Variants in NME6 observed in about 807,000 individuals in gnomAD.
NME6 encodes NME/NM23 nucleoside diphosphate kinase 6, also known as nucleoside diphosphate kinase 6, mitochondrial.
In NME6, 16 loss-of-function variants were observed where a neutral mutation model predicts 22.2. That is an observed-to-expected ratio of 0.72 (90% CI 0.49 to 1.09). NME6 has a LOEUF of 1.09. Among genes scored for constraint, NME6 ranks in the 50% least tolerant of loss-of-function variants. The probability of loss-of-function intolerance (pLI) is 0.00; values close to 1 mark genes in which losing one functional copy is unlikely to be tolerated. For synonymous variants in NME6, 58 were observed against 85.2 expected (o/e 0.68, Z 1.76); for missense variants, 229 against 239.0 (o/e 0.96, Z 0.28).
chr3:48,294,740 C>T lies in NME6; in HGVS notation c.458G>A (p.Trp153Ter). ...AFFPDFSEQRWYEEEEPQLRC... is the reference protein window; with the variant it reads ...AFFPDFSEQR ...CAACTGGGGCTCTTCCTCCTCATAC[C>T]AGCGCTGTTCACTGAAGTCAGGGAA... is the stretch of plus-strand genomic sequence containing the variant. The change falls in exon 6 of 6, where the codon TGG becomes TAG. Residue 153 changes from tryptophan to a stop codon, truncating the protein, a stop_gained. Coordinates refer to ENST00000442597, the MANE Select transcript of NME6 (RefSeq NM_001308426.2). LOFTEE classifies it high-confidence loss of function. The T allele has an allele frequency of 6.2e-7, 1 of 1,614,170 alleles. No homozygotes were observed. The highest frequency in any genetic ancestry group is 1.1e-5 in the South Asian group (1 of 91,086).
At chr3:48,299,563 G>A (rs2035479059) in intron 1 of NME6, among the ~76,000 whole-genome samples, 1 of 146,674 alleles carries the variant, frequency 6.8e-6, no homozygotes, top group Non-Finnish European at 1.5e-5. Context: ...ACATATGTGT[G>A]TATGTGTGTG....
chr3:48,296,874 A>G, intron 2 of NME6, 45 bp from the exon 3 acceptor site: 2 of 1,445,346 alleles, frequency 1.4e-6, no homozygotes, highest in Non-Finnish European at 1.9e-6. Flanking sequence ...CAGGAGACTG[A>G]AACTGACCAA....
At chr3:48,296,681 C>G in intron 3 of NME6, 46 bp downstream of exon 3, 1 of 1,360,146 alleles carries the variant, frequency 7.4e-7, no homozygotes, top group Non-Finnish European at 1.0e-6. Context: ...CTCTTATGGC[C>G]TCTTGGGATT....
intron 1 of NME6, among the ~76,000 whole-genome samples, chr3:48,300,110 C>T (rs2035536620): frequency 6.6e-6 from 1 of 152,226 alleles, no homozygotes; most frequent in Admixed American, 6.5e-5. Context: ...TTCTGTCCTG[C>T]CAACCTCTAC....
chr3:48,301,075 T>G (rs962213560), intron 1 of NME6, among the ~76,000 whole-genome samples: 3 of 151,700 alleles, frequency 2.0e-5, no homozygotes, highest in Non-Finnish European at 2.9e-5. Context: ...AAGCTGTCGG[T>G]ACACTGCCAC....
Position 48,293,739 on chromosome 3 carries a change from T to C in NME6, c.*898A>G, listed in dbSNP as rs2034747274. 3 of 152,234 alleles carry C rather than the reference T, an allele frequency of 2.0e-5. No individual in the cohort carries two copies. The highest frequency in any genetic ancestry group is 2.9e-5 in the Non-Finnish European group (2 of 68,060). 9.4% of individuals were successfully genotyped at this position (152,234 alleles called of 1,614,324 possible). ...ACCACCCAAATTCATAATTAGCAACTTGAGGACCCAATCATGTCTTAACCA... is the reference window on the plus strand; with the variant it reads ...ACCACCCAAATTCATAATTAGCAACCTGAGGACCCAATCATGTCTTAACCA... On this transcript the variant is annotated 3_prime_UTR_variant, in exon 6 of 6. Coordinates refer to ENST00000442597, the MANE Select transcript of NME6 (RefSeq NM_001308426.2).
At chr3:48,298,568 C>T in intron 1 of NME6, 45 bp from the exon 2 acceptor site, 1 of 1,414,784 alleles carries the variant, frequency 7.1e-7, no homozygotes, top group Non-Finnish European at 9.6e-7. Context: ...GACGGCACTC[C>T]CAGCCTTCCC....
At chr3:48,298,943 T>C in intron 1 of NME6, 1 of 703,012 alleles carries the variant, frequency 1.4e-6, no homozygotes, top group East Asian at 2.7e-5. Flanking sequence ...CTTAAAATCT[T>C]CCATCCCATA....
downstream of NME6, among the ~76,000 whole-genome samples, chr3:48,290,458 G>A (rs536657685): frequency 1.2e-4 from 18 of 152,154 alleles, no homozygotes; most frequent in Admixed American, 3.3e-4. Context: ...CAAATACTTA[G>A]CATTTTGTAG....
At chr3:48,291,288 C>A (rs1375425569), downstream of NME6, 2 of 425,650 alleles carry the variant, frequency 4.7e-6, no homozygotes, top group South Asian at 1.8e-5. Context: ...CTTTTTAGGT[C>A]TTTATCATTT....
intron 1 of NME6, among the ~76,000 whole-genome samples, chr3:48,300,979 C>T (rs2035633741): frequency 6.6e-6 from 1 of 152,078 alleles, no homozygotes; most frequent in South Asian, 2.1e-4. Context: ...ACTCTGGAGG[C>T]GGAGGCTGCA....
Position 48,296,831 on chromosome 3 carries a change from T to G in NME6, c.91-2A>C, listed in dbSNP as rs759911547. 1.2e-6 allele frequency: 2 copies of G among 1,606,870 alleles called. No homozygotes were observed. The highest frequency in any genetic ancestry group is 1.1e-5 in the South Asian group (1 of 90,856). ...GCTTAGAATCTGCTGATGAACAGCCTGAATAAAGACCATCCCCAAAATAAA... is the reference window on the plus strand; with the variant it reads ...GCTTAGAATCTGCTGATGAACAGCCGGAATAAAGACCATCCCCAAAATAAA... On this transcript the variant is annotated splice_acceptor_variant, in intron 2 of 5. Coordinates refer to ENST00000442597, the MANE Select transcript of NME6 (RefSeq NM_001308426.2). LOFTEE classifies it high-confidence loss of function.
downstream of NME6, chr3:48,292,253 T>C (rs143380791): frequency 6.6e-6 from 1 of 152,346 alleles, no homozygotes; most frequent in Non-Finnish European, 1.5e-5. Flanking sequence ...CAAAGGACTA[T>C]ACATACAAAA....
rs201321378 is a variant in NME6 at position 48,296,090 on chromosome 3, T to C, written c.233+29A>G. On this transcript the variant is annotated intron_variant, in intron 4 of 5. Transcript: ENST00000442597. ...GGCAGGGGAGATTAGCCTCAGTGGATAAAGATGCTGGAACCAAATTTGAAG... is the reference window on the plus strand; with the variant it reads ...GGCAGGGGAGATTAGCCTCAGTGGACAAAGATGCTGGAACCAAATTTGAAG... The C allele has an allele frequency of 6.3e-6, 9 of 1,439,446 alleles. No individual in the cohort carries two copies. The African/African-American group carries it at 1.3e-4, about 20-fold the overall frequency. 89.2% of individuals were successfully genotyped at this position (1,439,446 alleles called of 1,614,324 possible).
chr3:48,298,252 G>A (rs2035315880), intron 2 of NME6, 175 bp downstream of exon 2: 1 of 643,384 alleles, frequency 1.6e-6, no homozygotes, highest in Non-Finnish European at 2.8e-6. Context: ...TTTTAGGTCT[G>A]CCTCAAGTCT....
At chr3:48,295,496 G>A (rs150269304) in intron 4 of NME6, 16 of 444,166 alleles carry the variant, frequency 3.6e-5, no homozygotes, top group East Asian at 2.5e-4. Context: ...GGTCAGCATC[G>A]GCTCAGTGAC....
At chr3:48,287,821 G>A (rs1472020789), downstream of NME6, among the ~76,000 whole-genome samples, 1 of 152,152 alleles carries the variant, frequency 6.6e-6, no homozygotes, top group African/African-American at 2.4e-5. Flanking sequence ...CACAGATGGA[G>A]ATAGGTGGCT....
At chr3:48,295,368 G>T in intron 4 of NME6, 133 bp from the exon 5 acceptor site, 2 of 992,120 alleles carry the variant, frequency 2.0e-6, no homozygotes, top group Non-Finnish European at 2.9e-6. Context: ...TACCAATGCT[G>T]CTTCAAATAG....
intron 2 of NME6, 47 bp downstream of exon 2, chr3:48,298,380 G>A: frequency 6.5e-7 from 1 of 1,531,560 alleles, no homozygotes; most frequent in Non-Finnish European, 9.0e-7. Context: ...ACCTGAAGCA[G>A]TAGCAATTCC....
Sources: allele counts gnomAD v4.1 joint callset (sites outside exome capture counted in the v4.1 genomes callset), GRCh38; gene constraint gnomAD v4.1.1; transcripts MANE v1.5; gene names NCBI Gene and HGNC (gene_info 2026-07-23, HGNC 2026-07-21).